Variants in PTPRT observed in about 807,000 individuals in gnomAD.
The protein encoded by PTPRT is receptor-type tyrosine-protein phosphatase T.
A neutral mutation model predicts 176.8 loss-of-function variants in PTPRT; 56 were observed. That is an observed-to-expected ratio of 0.32 (90% CI 0.26 to 0.40). The LOEUF is 0.40. Ranked by LOEUF, PTPRT falls within the 10% of genes least tolerant of loss-of-function variation. The pLI is 1.00. For missense variants in PTPRT, 1,540 were observed against 1,908.2 expected, an observed-to-expected ratio of 0.81 and a Z score of 3.60; for synonymous variants, 783 against 739.0, an observed-to-expected ratio of 1.06 and a Z score of -0.96.
In PTPRT at chr20:42,619,499, T is replaced by A. The variant is rs1185892074; in HGVS notation, c.1153+58367A>T. On this transcript the variant is annotated intron_variant, in intron 7 of 30. Transcript: ENST00000373187. ...CTGAACGTTGGCCTGCCTTGCTAGA[T>A]TGGGGAAGTTCTCCTGGATAATATC... Among the ~76,000 whole-genome samples the A allele has an allele frequency of 2.3e-5, 3 of 129,294 alleles. No individual in the cohort carries two copies. The South Asian group carries it at 7.4e-4, about 32-fold the overall frequency. The allele number at this position is 129,294 out of a possible 152,430, so 84.8% of individuals were successfully genotyped here.
intron 1 of PTPRT, among the ~76,000 whole-genome samples, chr20:43,127,625 C>A (rs1279069692): frequency 2.0e-5 from 3 of 152,152 alleles, no homozygotes; most frequent in Non-Finnish European, 4.4e-5. Context: ...CAGGCCATCA[C>A]ACTGAGGCAC....
At chr20:43,156,156 C>T (rs1266813867) in intron 1 of PTPRT, among the ~76,000 whole-genome samples, 1 of 152,162 alleles carries the variant, frequency 6.6e-6, no homozygotes, top group African/African-American at 2.4e-5. Flanking sequence ...TCTCTTTGCT[C>T]CTGGTGTTGG....
intron 3 of PTPRT, among the ~76,000 whole-genome samples, chr20:42,789,551 T>C (rs377762063): frequency 9.8e-5 from 15 of 152,312 alleles, no homozygotes; most frequent in African/African-American, 3.4e-4. Context: ...AACAAGGTAA[T>C]GTATGTGAAA....
rs180929653 is a variant in PTPRT at position 42,613,112 on chromosome 20, G to C, written c.1153+64754C>G. 4.6e-5 allele frequency among the ~76,000 whole-genome samples: 7 copies of C among 152,192 alleles called. No homozygotes were observed. In the East Asian group the frequency reaches 1.2e-3, roughly 25 times the overall value. ...AGCAAAAACTTTTTTTGAAAAAGTTGTTTCTGCTCAACAGTCTATTCATGG... is the reference window on the plus strand; with the variant it reads ...AGCAAAAACTTTTTTTGAAAAAGTTCTTTCTGCTCAACAGTCTATTCATGG... On this transcript the variant is annotated intron_variant, in intron 7 of 30. Coordinates refer to ENST00000373187, the MANE Select transcript of PTPRT (RefSeq NM_007050.6).
At chr20:42,420,332 C>T (rs1229288431) in intron 9 of PTPRT, among the ~76,000 whole-genome samples, 1 of 152,076 alleles carries the variant, frequency 6.6e-6, no homozygotes, top group Non-Finnish European at 1.5e-5. Context: ...ATGCTGAACT[C>T]GTTTTGACTC....
At chr20:42,422,167 C>G (rs765536779) in intron 9 of PTPRT, among the ~76,000 whole-genome samples, 3 of 152,112 alleles carry the variant, frequency 2.0e-5, no homozygotes, top group African/African-American at 7.2e-5. Flanking sequence ...TATGAAGATG[C>G]CAAAAGCAAT....
intron 14 of PTPRT, among the ~76,000 whole-genome samples, chr20:42,243,115 G>C (rs1879688241): frequency 6.6e-6 from 1 of 152,052 alleles, no homozygotes; most frequent in Admixed American, 6.5e-5. Flanking sequence ...GAGAGACAGA[G>C]AGAGAGAGAA....
At chr20:42,240,897 A>T (rs2056340858) in intron 14 of PTPRT, among the ~76,000 whole-genome samples, 1 of 152,274 alleles carries the variant, frequency 6.6e-6, no homozygotes, top group African/African-American at 2.4e-5. Flanking sequence ...ATTATAAAGC[A>T]GATGATAATA....
intron 7 of PTPRT, among the ~76,000 whole-genome samples, chr20:42,583,464 C>T (rs2073414604): frequency 6.6e-6 from 1 of 152,218 alleles, no homozygotes; most frequent in African/African-American, 2.4e-5. Flanking sequence ...AGGATGATGA[C>T]AGAGGGCCCA....
intron 4 of PTPRT, among the ~76,000 whole-genome samples, chr20:42,774,431 G>T (rs189846583): frequency 1.1e-3 from 165 of 152,268 alleles, no homozygotes; most frequent in African/African-American, 3.8e-3. Context: ...ATTCAGCAGA[G>T]GAAGGCCAGG....
At chr20:42,368,321 T>G (rs2058542575) in intron 9 of PTPRT, among the ~76,000 whole-genome samples, 1 of 151,330 alleles carries the variant, frequency 6.6e-6, no homozygotes, top group Admixed American at 6.6e-5. Flanking sequence ...ATCTCAGGAG[T>G]GTGGACCTTG....
intron 15 of PTPRT, among the ~76,000 whole-genome samples, chr20:42,200,723 T>A (rs561539804): frequency 6.6e-6 from 1 of 152,306 alleles, no homozygotes; most frequent in Non-Finnish European, 1.5e-5. Flanking sequence ...TTCCAACATA[T>A]ATGCATCGAA....
intron 18 of PTPRT, 72 bp downstream of exon 18, chr20:42,141,843 A>C (rs1239562946): frequency 8.2e-6 from 11 of 1,344,282 alleles, no homozygotes; most frequent in Non-Finnish European, 1.2e-5. Context: ...TTCCAGGTAA[A>C]TAATAGTAAT....
intron 1 of PTPRT, among the ~76,000 whole-genome samples, chr20:43,005,276 C>T (rs1271885612): frequency 1.3e-5 from 2 of 152,326 alleles, no homozygotes; most frequent in East Asian, 1.9e-4. Flanking sequence ...CCAGCTCCTG[C>T]CCACTCTCCA....
At chr20:42,186,101 G>A (rs1990771387) in intron 16 of PTPRT, among the ~76,000 whole-genome samples, 1 of 151,978 alleles carries the variant, frequency 6.6e-6, no homozygotes, top group Non-Finnish European at 1.5e-5. Flanking sequence ...TAAGAATGGA[G>A]GTCTAAAGGA....
chr20:42,893,811 T>C (rs1229850691), intron 1 of PTPRT, among the ~76,000 whole-genome samples: 3 of 141,292 alleles, frequency 2.1e-5, no homozygotes, highest in Non-Finnish European at 4.6e-5. Flanking sequence ...AATTGAACAA[T>C]GAGAACACAT....
At chr20:43,032,293 C>G (rs904778436) in intron 1 of PTPRT, among the ~76,000 whole-genome samples, 3 of 151,936 alleles carry the variant, frequency 2.0e-5, no homozygotes, top group Non-Finnish European at 4.4e-5. Flanking sequence ...CACATGTGGC[C>G]AGTGGCTATA....
At chr20:42,456,000 T>C (rs2070916548) in intron 8 of PTPRT, among the ~76,000 whole-genome samples, 1 of 152,082 alleles carries the variant, frequency 6.6e-6, no homozygotes, top group African/African-American at 2.4e-5. Flanking sequence ...ATAGATCAAA[T>C]GGGAGATAAT....
At chr20:42,796,770 T>C (rs1361704790) in intron 2 of PTPRT, among the ~76,000 whole-genome samples, 3 of 152,206 alleles carry the variant, frequency 2.0e-5, no homozygotes, top group African/African-American at 4.8e-5. Context: ...CAACTGTTTG[T>C]TGAGGCCCAA....
Sources: allele counts gnomAD v4.1 joint callset (sites outside exome capture counted in the v4.1 genomes callset), GRCh38; gene constraint gnomAD v4.1.1; transcripts MANE v1.5; gene names NCBI Gene and HGNC (gene_info 2026-07-23, HGNC 2026-07-21).